USP34: variants seen among roughly 807,000 people sequenced by gnomAD.
USP34 encodes the protein ubiquitin carboxyl-terminal hydrolase 34.
A neutral mutation model predicts 460.3 loss-of-function variants in USP34; 70 were observed. The ratio of observed to expected loss-of-function variants is 0.15; its 90% confidence interval spans 0.13 to 0.19. USP34 has a LOEUF of 0.19. Ranked by LOEUF, USP34 falls within the 10% of genes least tolerant of loss-of-function variation. The pLI, the probability that USP34 is intolerant of heterozygous loss-of-function variation, is 1.00. For missense variants in USP34, 3,985 were observed against 4,236.2 expected, an observed-to-expected ratio of 0.94 and a Z score of 1.65; for synonymous variants, 1,647 against 1,405.3, an observed-to-expected ratio of 1.17 and a Z score of -3.85.
intron 1 of USP34, among the ~76,000 whole-genome samples, chr2:61,422,127 C>T (rs770410715): frequency 3.9e-5 from 6 of 152,194 alleles, no homozygotes; most frequent in Admixed American, 2.0e-4. Context: ...ACCTGGGCAA[C>T]AAAGCTTAGC....
At chr2:61,359,568 A>T (rs1474755613) in intron 10 of USP34, among the ~76,000 whole-genome samples, 1 of 152,124 alleles carries the variant, frequency 6.6e-6, no homozygotes, top group African/African-American at 2.4e-5. Context: ...AAAATAGTCA[A>T]CAACAACAAA....
chr2:61,192,829 C>T (rs1190896064), intron 76 of USP34, 72 bp downstream of exon 76: 2 of 1,318,828 alleles, frequency 1.5e-6, no homozygotes, highest in Non-Finnish European at 2.1e-6. Flanking sequence ...CTTCAACCCA[C>T]TGTTCCTAAA....
chr2:61,314,034 ATT>A (rs1690673033), intron 25 of USP34, among the ~76,000 whole-genome samples: 2 of 152,050 alleles, frequency 1.3e-5, no homozygotes, highest in Non-Finnish European at 2.9e-5. Context: ...ATAAATATTA[ATT>A]TGCTTTATTT....
At chr2:61,346,150 G>C (rs1691760375) in intron 15 of USP34, 1 of 152,002 alleles carries the variant, frequency 6.6e-6, no homozygotes. Context: ...TTTATTACAA[G>C]ATGTTGAAAA....
In USP34 at chr2:61,374,091, G is replaced by A. The variant is rs1184311933; in HGVS notation, c.1077-3512C>T. On this transcript the variant is annotated intron_variant, in intron 8 of 79. Coordinates refer to ENST00000398571, the MANE Select transcript of USP34 (RefSeq NM_014709.4). ...CAATCGCTTGAAGCCAGGAGACAGA[G>A]GTTGCAGTGAGCCGAGATCGTGCCA... Among the ~76,000 whole-genome samples the A allele has an allele frequency of 2.6e-5, 4 of 151,620 alleles. No individual in the cohort carries two copies. In the East Asian group the frequency reaches 5.8e-4, roughly 22 times the overall value.
intron 21 of USP34, among the ~76,000 whole-genome samples, chr2:61,320,747 C>T (rs1247952106): frequency 1.3e-5 from 2 of 152,032 alleles, no homozygotes; most frequent in South Asian, 2.1e-4. Context: ...TGGTGGCTCA[C>T]GCCTGTAATC....
intron 1 of USP34, among the ~76,000 whole-genome samples, chr2:61,426,568 A>G (rs1694517343): frequency 1.3e-5 from 2 of 152,178 alleles, no homozygotes; most frequent in African/African-American, 2.4e-5. Context: ...CCACAATACA[A>G]AAAGTATTGC....
intron 32 of USP34, 29 bp from the exon 33 acceptor site, chr2:61,293,579 G>A (rs768188162): frequency 6.5e-7 from 1 of 1,545,190 alleles, no homozygotes; most frequent in Non-Finnish European, 8.9e-7. Flanking sequence ...GTAATAGTAA[G>A]AGAAAAGCAG....
Position 61,314,957 on chromosome 2 carries a change from T to C in USP34, c.3300A>G (p.Gln1100=), listed in dbSNP as rs1316203451. ...CSNSELCGMD[Q]FWGIALRAQS... ...GTGCTCTTAAAGCAATGCCCCAAAA[T>C]TGGTCCATACCACACAGCTAAGAAA... The change falls in exon 24 of 80, where the codon CAA becomes CAG. Residue 1100 remains glutamine, a synonymous_variant. Transcript: ENST00000398571. 2.5e-6 allele frequency: 4 copies of C among 1,613,640 alleles called. No individual in the cohort carries two copies. Among genetic ancestry groups the C allele is most frequent in the Admixed American group, 3.3e-5 (2 of 59,942 alleles).
chr2:61,188,820 G>A, intron 79 of USP34, 90 bp downstream of exon 79: 1 of 1,574,554 alleles, frequency 6.4e-7, no homozygotes, highest in East Asian at 2.2e-5. Context: ...AGGAGGTTCA[G>A]CTGAACACAC....
At chr2:61,213,967 A>C (rs1687335748) in intron 68 of USP34, 93 bp downstream of exon 68, 2 of 1,437,784 alleles carry the variant, frequency 1.4e-6, no homozygotes, top group East Asian at 4.6e-5. Context: ...TGGTGAGACT[A>C]TTCTATATTC....
At position 61,314,758 on chromosome 2, in the gene USP34, G is replaced by A; in HGVS notation, c.3383-14C>T. Reference sequence around the variant, plus strand: ...AACCTGTTTTACCTGAAAGCCAAATGTTTAGACACATATATTAGCCTTATA... The same window carrying A: ...AACCTGTTTTACCTGAAAGCCAAATATTTAGACACATATATTAGCCTTATA... On this transcript the variant is annotated splice_polypyrimidine_tract_variant and intron_variant, in intron 24 of 79. Transcript: ENST00000398571. 6.3e-7 allele frequency: 1 copy of A among 1,577,224 alleles called. No homozygotes were observed.
At chr2:61,394,554 A>T (rs922745210) in intron 5 of USP34, among the ~76,000 whole-genome samples, 1 of 135,240 alleles carries the variant, frequency 7.4e-6, no homozygotes, top group East Asian at 2.1e-4. Context: ...AAAAAAAAAA[A>T]AAAATAAGTT....
intron 34 of USP34, among the ~76,000 whole-genome samples, chr2:61,285,511 A>G (rs1338835152): frequency 6.7e-6 from 1 of 149,818 alleles, no homozygotes; most frequent in Non-Finnish European, 1.5e-5. Context: ...AAAAGTAAGA[A>G]AAGAAAAGAA....
intron 32 of USP34, 72 bp downstream of exon 32, chr2:61,294,877 A>G: frequency 2.5e-6 from 3 of 1,211,246 alleles, no homozygotes; most frequent in Non-Finnish European, 3.5e-6. Flanking sequence ...ATGAAGAATT[A>G]TGGTACCCAC....
chr2:61,193,228 TTGAG>T (rs1351246242), intron 75 of USP34: 1 of 308,456 alleles, frequency 3.2e-6, no homozygotes, highest in Non-Finnish European at 6.0e-6. Flanking sequence ...CTCTTCTTTT[TTGAG>T]TATTAGAACT....
At chr2:61,426,056 T>C (rs1694502744) in intron 1 of USP34, among the ~76,000 whole-genome samples, 1 of 152,026 alleles carries the variant, frequency 6.6e-6, no homozygotes, top group Non-Finnish European at 1.5e-5. Flanking sequence ...ATTCATCACC[T>C]AACTGAGGAG....
chr2:61,328,123 C>T (rs184984489), intron 20 of USP34, among the ~76,000 whole-genome samples: 3 of 151,848 alleles, frequency 2.0e-5, no homozygotes, highest in Admixed American at 6.6e-5. Flanking sequence ...GCCAACATGG[C>T]GAAACCTTGT....
chr2:61,276,374 T>C (rs185423415), intron 41 of USP34, among the ~76,000 whole-genome samples: 3 of 152,334 alleles, frequency 2.0e-5, no homozygotes, highest in African/African-American at 4.8e-5. Flanking sequence ...TATTGCCTCT[T>C]AGTCAATTTT....
Sources: gnomAD v4.1 joint callset for allele counts (sites outside exome capture counted in the v4.1 genomes callset) on GRCh38, gnomAD v4.1.1 for gene constraint, MANE v1.5 for transcripts, NCBI Gene and HGNC (gene_info 2026-07-23, HGNC 2026-07-21) for gene names.